Variants in LAPTM4A observed in about 807,000 individuals in gnomAD.
The protein encoded by LAPTM4A is lysosomal protein transmembrane 4 alpha, also known as lysosomal-associated transmembrane protein 4A.
A neutral mutation model predicts 29.9 loss-of-function variants in LAPTM4A; 19 were observed. The observed-to-expected ratio is 0.64, with a 90% CI of 0.44 to 0.93. The LOEUF is 0.93. LAPTM4A is among the 40% of genes least tolerant of loss of function. The probability of loss-of-function intolerance (pLI) is 0.00; values close to 1 mark genes in which losing one functional copy is unlikely to be tolerated. For missense variants in LAPTM4A, 293 were observed against 288.5 expected (o/e 1.02, Z -0.11); for synonymous variants, 105 against 102.1 (o/e 1.03, Z -0.17).
chr2:20,035,104 A>G (rs1673653299), intron 4 of LAPTM4A, 42 bp from the exon 5 acceptor site: 2 of 1,341,032 alleles, frequency 1.5e-6, no homozygotes, highest in Admixed American at 3.4e-5. Context: ...CAGCCATCGC[A>G]CTAGCACTTG....
At chr2:20,037,460 T>C (rs775452553) in intron 3 of LAPTM4A, 22 bp from the exon 4 acceptor site, 10 of 1,606,330 alleles carry the variant, frequency 6.2e-6, no homozygotes, top group African/African-American at 1.3e-5. Context: ...ATAACAACCA[T>C]AACATTGTAT....
chr2:20,048,397 C>T (rs985839830), intron 1 of LAPTM4A, among the ~76,000 whole-genome samples: 2 of 152,312 alleles, frequency 1.3e-5, no homozygotes, highest in Middle Eastern at 3.4e-3. Context: ...AGCTAAAATA[C>T]GAAAGGCTCA....
intron 2 of LAPTM4A, 32 bp downstream of exon 2, chr2:20,040,859 G>C: frequency 6.2e-7 from 1 of 1,601,392 alleles, no homozygotes; most frequent in Non-Finnish European, 8.5e-7. Context: ...ATTAGCAGGG[G>C]AGATTTTTTT....
chr2:20,043,064 G>T (rs35030383), intron 1 of LAPTM4A, among the ~76,000 whole-genome samples: 1 of 146,924 alleles, frequency 6.8e-6, no homozygotes. Context: ...CTCAGTCCCC[G>T]GGGTAGCTGG....
chr2:20,041,083 T>C (rs1397424238), intron 1 of LAPTM4A, 72 bp from the exon 2 acceptor site: 1 of 1,423,440 alleles, frequency 7.0e-7, no homozygotes, highest in African/African-American at 1.4e-5. Context: ...TCTCTAGATG[T>C]CCTCTCATAT....
At position 20,037,613 on chromosome 2, in the gene LAPTM4A, A is replaced by T. The variant is rs1673705856; in HGVS notation, c.234T>A (p.Asp78Glu). ...GNYYSSERMA[D>E]NACVLFAVSV... ...AGACGGCAAAAAGAACACAGGCATTATCTAAGAAAACAAAAACAAAAATCT... is the reference window on the plus strand; with the variant it reads ...AGACGGCAAAAAGAACACAGGCATTTTCTAAGAAAACAAAAACAAAAATCT... The change falls in exon 3 of 7, where the codon GAT becomes GAA. Residue 78 changes from aspartate (D) to glutamate (E), a missense_variant and splice_region_variant. By Grantham distance (45) the Asp-to-Glu change is conservative. Coordinates refer to ENST00000175091, the MANE Select transcript of LAPTM4A (RefSeq NM_014713.5). The T allele has an allele frequency of 6.3e-7, 1 of 1,593,856 alleles. No individual in the cohort carries two copies. The highest frequency in any genetic ancestry group is 2.2e-5 in the East Asian group (1 of 44,704).
intron 1 of LAPTM4A, among the ~76,000 whole-genome samples, chr2:20,047,514 C>A (rs1214845558): frequency 6.7e-6 from 1 of 148,596 alleles, no homozygotes; most frequent in Non-Finnish European, 1.5e-5. Context: ...CAAGGTGAAA[C>A]CCCGTCTCTA....
intron 1 of LAPTM4A, 54 bp downstream of exon 1, chr2:20,051,356 C>T (rs1044724302): frequency 1.7e-6 from 2 of 1,175,478 alleles, no homozygotes; most frequent in Admixed American, 3.8e-5. Flanking sequence ...CCCTCCGCAC[C>T]AGGCCCCGCT....
chr2:20,039,644 T>C (rs1384048386), intron 2 of LAPTM4A, among the ~76,000 whole-genome samples: 1 of 152,200 alleles, frequency 6.6e-6, no homozygotes, highest in Non-Finnish European at 1.5e-5. Context: ...AGCTCAGGAA[T>C]TCTGGGTTAC....
In LAPTM4A at chr2:20,032,843, G is replaced by A. The variant is rs949687853; in HGVS notation, c.*362C>T. ...AATATTTAAGTCAGTCTTCCTGAAA[G>A]TACTCAGGGTAGCAAGTAACAAAAT... On this transcript the variant is annotated 3_prime_UTR_variant, in exon 7 of 7. Transcript: ENST00000175091. 4.5e-5 allele frequency: 9 copies of A among 201,060 alleles called. No homozygotes were observed. Among genetic ancestry groups the A allele is most frequent in the Non-Finnish European group, 8.2e-5 (8 of 97,454 alleles). 12.5% of individuals were successfully genotyped at this position (201,060 alleles called of 1,614,324 possible). A position where few individuals can be genotyped will look rare whatever the true frequency, so the allele number is the denominator to read the frequency against.
chr2:20,036,885 T>C (rs1431775650), intron 4 of LAPTM4A, among the ~76,000 whole-genome samples: 3 of 152,248 alleles, frequency 2.0e-5, no homozygotes, highest in African/African-American at 7.2e-5. Flanking sequence ...TAAACTGTAA[T>C]ATTCGCAGTT....
chr2:20,037,185 T>C (rs1168064995), intron 4 of LAPTM4A, 131 bp downstream of exon 4: 1 of 704,564 alleles, frequency 1.4e-6, no homozygotes, highest in African/African-American at 1.8e-5. Flanking sequence ...AGAGCAGAAA[T>C]AATTATTTTA....
At chr2:20,048,895 T>TG (rs1673995502) in intron 1 of LAPTM4A, among the ~76,000 whole-genome samples, 1 of 152,228 alleles carries the variant, frequency 6.6e-6, no homozygotes, top group Non-Finnish European at 1.5e-5. Context: ...TAGGTGGTCT[T>TG]GCATCATAAG....
intron 2 of LAPTM4A, among the ~76,000 whole-genome samples, chr2:20,038,960 A>C (rs544615749): frequency 3.9e-4 from 60 of 151,902 alleles, no homozygotes; most frequent in Non-Finnish European, 7.5e-4. Context: ...ACTGTCACCC[A>C]GGCTGGAGTG....
chr2:20,037,266 A>G (rs751878176), intron 4 of LAPTM4A, 50 bp downstream of exon 4: 7 of 1,452,478 alleles, frequency 4.8e-6, no homozygotes, highest in Non-Finnish European at 6.5e-6. Flanking sequence ...AAATGTAAAC[A>G]TTTTACTCAA....
intron 2 of LAPTM4A, among the ~76,000 whole-genome samples, chr2:20,039,450 C>T (rs1018191638): frequency 1.3e-5 from 2 of 152,180 alleles, no homozygotes; most frequent in South Asian, 4.1e-4. Flanking sequence ...TTCAAATAAT[C>T]GGCTTTCAAG....
Position 20,035,046 on chromosome 2 carries a change from T to C in LAPTM4A, c.449A>G (p.Lys150Arg), listed in dbSNP as rs1572395922. The change falls in exon 5 of 7, where the codon AAA becomes AGA. Residue 150 changes from lysine to arginine, a missense_variant. Lys to Arg is a conservative substitution (Grantham distance 26, BLOSUM62 2). Transcript: ENST00000175091. Reference protein sequence around the residue: ...YLDQLPDFPYKDDLLALDSSC... With the variant: ...YLDQLPDFPYRDDLLALDSSC... Reference sequence around the variant, plus strand: ...GGAGTCCAAGGCCAGGAGGTCATCTTTGTAGGGAAAATCAGGCTATTAAAG... The same window carrying C: ...GGAGTCCAAGGCCAGGAGGTCATCTCTGTAGGGAAAATCAGGCTATTAAAG... 2 of 1,611,790 alleles carry C rather than the reference T, an allele frequency of 1.2e-6. No individual in the cohort carries two copies. The highest frequency in any genetic ancestry group is 1.7e-6 in the Non-Finnish European group (2 of 1,178,354).
chr2:20,046,315 C>T (rs11689320), intron 1 of LAPTM4A, among the ~76,000 whole-genome samples: 24,786 of 151,804 alleles, frequency 0.16, 2,525 homozygotes, highest in East Asian at 0.31. Flanking sequence ...AACCTGCACG[C>T]TGTGGACATG....
At chr2:20,037,683 G>T in intron 2 of LAPTM4A, 69 bp from the exon 3 acceptor site, 1 of 984,054 alleles carries the variant, frequency 1.0e-6, no homozygotes, top group Non-Finnish European at 1.5e-6. Flanking sequence ...TTCACTTAAA[G>T]CTAGCTTTAA....
Sources: gnomAD v4.1 joint callset for allele counts (sites outside exome capture counted in the v4.1 genomes callset) on GRCh38, gnomAD v4.1.1 for gene constraint, MANE v1.5 for transcripts, NCBI Gene and HGNC (gene_info 2026-07-23, HGNC 2026-07-21) for gene names.